RALYL: variants seen among roughly 807,000 people sequenced by gnomAD.
RALYL encodes the protein RALY RNA binding protein like.
A neutral mutation model predicts 35.1 loss-of-function variants in RALYL; 29 were observed. The ratio of observed to expected loss-of-function variants is 0.83; its 90% CI spans 0.61 to 1.13. The LOEUF is 1.13. Ranked by LOEUF, RALYL falls within the 50% of genes most tolerant of loss-of-function variation. The probability of loss-of-function intolerance (pLI) is 0.00; values close to 1 mark genes in which losing one functional copy is unlikely to be tolerated. For synonymous variants in RALYL, 120 were observed against 127.6 expected (o/e 0.94, Z 0.40); for missense variants, 359 against 360.4 (o/e 1.00, Z 0.03).
intron 2 of RALYL, among the ~76,000 whole-genome samples, chr8:84,620,757 T>G (rs1359013560): frequency 6.6e-6 from 1 of 151,668 alleles, no homozygotes; most frequent in Non-Finnish European, 1.5e-5. Context: ...GATGGTGATG[T>G]ACAGATGGGT....
intron 3 of RALYL, among the ~76,000 whole-genome samples, chr8:84,782,031 G>GCACACACACACACA (rs35098202): frequency 1.3e-5 from 2 of 148,550 alleles, no homozygotes; most frequent in Non-Finnish European, 3.0e-5. Flanking sequence ...GCACACGCGC[G>GCACACACACACACA]CACACACACA....
chr8:84,729,196 T>C (rs1384545696), intron 2 of RALYL, among the ~76,000 whole-genome samples: 3 of 152,160 alleles, frequency 2.0e-5, no homozygotes, highest in Non-Finnish European at 2.9e-5. Context: ...TTCACATCCC[T>C]TGTAAGTTGG....
intron 1 of RALYL, among the ~76,000 whole-genome samples, chr8:84,471,344 A>T (rs1215277625): frequency 6.6e-6 from 1 of 152,026 alleles, no homozygotes; most frequent in Non-Finnish European, 1.5e-5. Context: ...GTGCTTTGAG[A>T]TGCCAAAGTG....
chr8:84,254,746 G>GAA (rs10675428), intron 1 of RALYL, among the ~76,000 whole-genome samples: 9 of 126,502 alleles, frequency 7.1e-5, no homozygotes, highest in Middle Eastern at 4.0e-3. Flanking sequence ...GGTAATTTAT[G>GAA]AAAAAAAAAA....
chr8:84,910,759 T>A (rs1847381703), intron 8 of RALYL, among the ~76,000 whole-genome samples: 2 of 151,868 alleles, frequency 1.3e-5, no homozygotes, highest in Non-Finnish European at 2.9e-5. Context: ...TAAAATATCA[T>A]CTGTTTTTTT....
At chr8:84,819,964 A>G (rs1285302795) in intron 4 of RALYL, among the ~76,000 whole-genome samples, 1 of 152,162 alleles carries the variant, frequency 6.6e-6, no homozygotes, top group Non-Finnish European at 1.5e-5. Context: ...ATCATCATAT[A>G]TCATAGGGAA....
At chr8:84,482,029 G>A (rs2054099239) in intron 1 of RALYL, among the ~76,000 whole-genome samples, 1 of 152,082 alleles carries the variant, frequency 6.6e-6, no homozygotes, top group Non-Finnish European at 1.5e-5. Context: ...GCAAGAACAT[G>A]TTATTCTAAT....
chr8:84,539,967 C>T (rs1048821592), intron 2 of RALYL, among the ~76,000 whole-genome samples: 3 of 147,590 alleles, frequency 2.0e-5, no homozygotes, highest in South Asian at 2.1e-4. Context: ...TGTAATTAAA[C>T]GTATGCTGCA....
At chr8:84,554,965 A>G (rs913616492) in intron 2 of RALYL, among the ~76,000 whole-genome samples, 4 of 152,070 alleles carry the variant, frequency 2.6e-5, no homozygotes, top group Non-Finnish European at 4.4e-5. Context: ...TTACCTTTAT[A>G]TGCTGACTTT....
chr8:84,580,304 AC>A (rs1332429608), intron 2 of RALYL, among the ~76,000 whole-genome samples: 1 of 152,224 alleles, frequency 6.6e-6, no homozygotes, highest in African/African-American at 2.4e-5. Context: ...TAACTTATAA[AC>A]AAAACTTATA....
intron 2 of RALYL, among the ~76,000 whole-genome samples, chr8:84,601,045 C>A (rs1815819899): frequency 6.6e-6 from 1 of 152,120 alleles, no homozygotes; most frequent in Non-Finnish European, 1.5e-5. Flanking sequence ...GTGGTTCCTT[C>A]TTTCAAGAAG....
chr8:84,424,596 AC>A (rs1288908383), intron 1 of RALYL, among the ~76,000 whole-genome samples: 1 of 151,438 alleles, frequency 6.6e-6, no homozygotes, highest in Non-Finnish European at 1.5e-5. Context: ...CTGGTGAGGA[AC>A]TGCGTTCCTT....
Position 84,344,438 on chromosome 8 carries a change from G to A in RALYL, c.-24+160014G>A, listed in dbSNP as rs1399661774. On this transcript the variant is annotated intron_variant, in intron 1 of 8. Coordinates refer to ENST00000521268, the MANE Select transcript of RALYL (RefSeq NM_173848.7). ...CATAAGTGAATAAATGAGTCTGTTG[G>A]GGAAGGTGTAGGATGATTGCATTAA... Among the ~76,000 whole-genome samples, 4 of 152,056 alleles carry A rather than the reference G, an allele frequency of 2.6e-5. No individual in the cohort carries two copies. In the East Asian group the frequency reaches 5.8e-4, roughly 22 times the overall value.
chr8:84,325,347 T>C (rs1159963968), intron 1 of RALYL, among the ~76,000 whole-genome samples: 6 of 152,184 alleles, frequency 3.9e-5, no homozygotes, highest in Non-Finnish European at 7.3e-5. Flanking sequence ...AATTATACTT[T>C]CCTCCTAACA....
intron 1 of RALYL, among the ~76,000 whole-genome samples, chr8:84,329,299 T>C (rs139848891): frequency 6.6e-6 from 1 of 152,298 alleles, no homozygotes; most frequent in African/African-American, 2.4e-5. Flanking sequence ...ATAGCCATTC[T>C]GACTGTTGTG....
chr8:84,706,546 C>T (rs1249219938), intron 2 of RALYL, among the ~76,000 whole-genome samples: 2 of 152,054 alleles, frequency 1.3e-5, no homozygotes, highest in African/African-American at 2.4e-5. Flanking sequence ...AAATATTTAA[C>T]AGGATATTCA....
At chr8:84,259,196 A>G (rs1223877239) in intron 1 of RALYL, among the ~76,000 whole-genome samples, 1 of 152,184 alleles carries the variant, frequency 6.6e-6, no homozygotes, top group Non-Finnish European at 1.5e-5. Flanking sequence ...ATTTAAGCTC[A>G]TTACTAATAA....
At chr8:84,248,661 T>C (rs1370805344) in intron 1 of RALYL, among the ~76,000 whole-genome samples, 1 of 152,148 alleles carries the variant, frequency 6.6e-6, no homozygotes, top group Admixed American at 6.6e-5. Flanking sequence ...CTCTTCTTTC[T>C]TGTTATCTGT....
At chr8:84,448,281 G>A (rs1341446141) in intron 1 of RALYL, among the ~76,000 whole-genome samples, 2 of 152,000 alleles carry the variant, frequency 1.3e-5, no homozygotes, top group African/African-American at 4.8e-5. Flanking sequence ...AAGCATGAAT[G>A]AGTCTATGCA....
Sources: gnomAD v4.1 joint callset for allele counts (sites outside exome capture counted in the v4.1 genomes callset) on GRCh38, gnomAD v4.1.1 for gene constraint, MANE v1.5 for transcripts, NCBI Gene and HGNC (gene_info 2026-07-23, HGNC 2026-07-21) for gene names.